Variants in SLC5A12 observed in about 807,000 individuals in gnomAD.
SLC5A12 encodes sodium-coupled monocarboxylate transporter 2.
A neutral mutation model predicts 72.7 loss-of-function variants in SLC5A12; 46 were observed. That is an observed-to-expected ratio of 0.63 (90% CI 0.50 to 0.81). The LOEUF (loss-of-function observed/expected upper bound fraction) is 0.81. Ranked by LOEUF, SLC5A12 falls within the 30% of genes least tolerant of loss-of-function variation. The probability of loss-of-function intolerance (pLI) is 0.00; values close to 1 mark genes in which losing one functional copy is unlikely to be tolerated. For synonymous variants in SLC5A12, 275 were observed against 264.4 expected (o/e 1.04, Z -0.39); for missense variants, 683 against 740.7 (o/e 0.92, Z 0.90).
intron 1 of SLC5A12, among the ~76,000 whole-genome samples, chr11:26,717,277 A>C (rs1246737909): frequency 1.3e-5 from 2 of 152,154 alleles, no homozygotes; most frequent in East Asian, 3.9e-4. Context: ...TTTGAAATTG[A>C]AGAGAAGTAA....
intron 9 of SLC5A12, chr11:26,691,894 T>C (rs867304888): frequency 6.6e-6 from 1 of 152,352 alleles, no homozygotes; most frequent in Middle Eastern, 3.4e-3. Flanking sequence ...GGAACAATTC[T>C]TTAGAAAAGA....
At chr11:26,680,342 T>TGA (rs1854372459) in intron 12 of SLC5A12, among the ~76,000 whole-genome samples, 15 of 132,114 alleles carry the variant, frequency 1.1e-4, no homozygotes, top group South Asian at 4.4e-4. Context: ...TATATATGTA[T>TGA]ATATATTCAT....
chr11:26,718,636 G>A (rs201006707), intron 1 of SLC5A12, among the ~76,000 whole-genome samples: 48,026 of 146,988 alleles, frequency 0.33, 8,058 homozygotes, highest in Admixed American at 0.44. Flanking sequence ...GTGTGTGTGT[G>A]TGTGTGTGTG....
At chr11:26,710,340 C>A (rs919496641) in intron 3 of SLC5A12, among the ~76,000 whole-genome samples, 2 of 152,122 alleles carry the variant, frequency 1.3e-5, no homozygotes, top group Non-Finnish European at 2.9e-5. Flanking sequence ...GTGCATGTGT[C>A]TTTATAACAG....
chr11:26,695,057 T>C (rs1250467421), intron 8 of SLC5A12, among the ~76,000 whole-genome samples: 2 of 151,980 alleles, frequency 1.3e-5, no homozygotes, highest in Non-Finnish European at 2.9e-5. Flanking sequence ...CTGTAGATAT[T>C]TGATTACAAT....
intron 10 of SLC5A12, among the ~76,000 whole-genome samples, chr11:26,686,166 A>G (rs1185164070): frequency 6.6e-6 from 1 of 152,202 alleles, no homozygotes; most frequent in Non-Finnish European, 1.5e-5. Flanking sequence ...CAGGATAATA[A>G]ATTCTCAGAT....
intron 4 of SLC5A12, among the ~76,000 whole-genome samples, chr11:26,706,012 G>A (rs995245635): frequency 6.6e-6 from 1 of 150,428 alleles, no homozygotes; most frequent in Non-Finnish European, 1.5e-5. Context: ...TACCTTGTGT[G>A]TCACCCACAT....
rs149571467 is a variant in SLC5A12 at position 26,699,294 on chromosome 11, A to G, written c.822-759T>C. 9.2e-3 allele frequency among the ~76,000 whole-genome samples: 1,398 copies of G among 152,356 alleles called. 14 individuals are homozygous for G. The highest frequency in any genetic ancestry group is 0.013 in the Non-Finnish European group (902 of 68,040). On this transcript the variant is annotated intron_variant, in intron 6 of 14. Coordinates refer to ENST00000396005, the MANE Select transcript of SLC5A12 (RefSeq NM_178498.4). ...ACCTCACTGTGGAGATGGCCGCAGG[A>G]GGCCAAGAGAGCAACGCTGAACATT...
intron 7 of SLC5A12, among the ~76,000 whole-genome samples, chr11:26,697,892 C>CTTTTTTT (rs34284911): frequency 2.0e-4 from 19 of 93,966 alleles, no homozygotes; most frequent in African/African-American, 5.2e-4. Context: ...GAGATGCCGT[C>CTTTTTTT]TTTTTTTTTT....
chr11:26,698,259 A>T, intron 7 of SLC5A12, 147 bp downstream of exon 7: 6 of 1,020,972 alleles, frequency 5.9e-6, no homozygotes, highest in Non-Finnish European at 8.3e-6. Flanking sequence ...TGCTGATATC[A>T]CCCAAGAGAA....
intron 9 of SLC5A12, 73 bp from the exon 10 acceptor site, chr11:26,686,617 C>G: frequency 4.5e-6 from 6 of 1,331,036 alleles, no homozygotes; most frequent in Non-Finnish European, 5.4e-6. Context: ...TGAGCCCCCA[C>G]TCAGAACTGT....
chr11:26,703,476 A>T, intron 6 of SLC5A12, 55 bp downstream of exon 6: 1 of 1,558,442 alleles, frequency 6.4e-7, no homozygotes, highest in Non-Finnish European at 8.8e-7. Context: ...AATATATAAT[A>T]AGTACCAAAT....
At chr11:26,719,967 C>T (rs945262196) in intron 1 of SLC5A12, among the ~76,000 whole-genome samples, 1 of 152,074 alleles carries the variant, frequency 6.6e-6, no homozygotes, top group African/African-American at 2.4e-5. Flanking sequence ...GTTTTCTAGT[C>T]TGTTAAAAGG....
intron 1 of SLC5A12, among the ~76,000 whole-genome samples, chr11:26,714,129 A>G (rs1855294593): frequency 6.6e-6 from 1 of 152,152 alleles, no homozygotes. Context: ...ATGTAAAGTA[A>G]CATTTACAGC....
In SLC5A12 at chr11:26,697,153, G is replaced by C. The variant is rs1428042628; in HGVS notation, c.1040+11C>G. ...CCATCATCATCATCAGATTGTTGTT[G>C]CTATACTAACCTCAGAGTTCCACTG... On this transcript the variant is annotated intron_variant, in intron 8 of 14. Transcript: ENST00000396005. 1 of 1,605,458 alleles carries C rather than the reference G, an allele frequency of 6.2e-7. No homozygotes were observed. The highest frequency in any genetic ancestry group is 1.1e-5 in the South Asian group (1 of 89,920).
chr11:26,717,499 G>C (rs900809514), intron 1 of SLC5A12, among the ~76,000 whole-genome samples: 31 of 152,134 alleles, frequency 2.0e-4, no homozygotes, highest in Admixed American at 1.3e-3. Context: ...TTGCAAACTA[G>C]CTAAGCCTAA....
At chr11:26,701,758 A>C (rs998652669) in intron 6 of SLC5A12, among the ~76,000 whole-genome samples, 4 of 152,146 alleles carry the variant, frequency 2.6e-5, no homozygotes, top group Non-Finnish European at 4.4e-5. Flanking sequence ...ATATACGTAT[A>C]TAAGTGTATA....
Position 26,698,432 on chromosome 11 carries a change from A to G in SLC5A12, c.925T>C (p.Ser309Pro). ...SHFKDCDPWT[S>P]GIISAPDQLM... Reference sequence around the variant, plus strand: ...TGGTCTGGTGCTGAGATGATGCCAGAAGTCCAAGGGTCACAGTCTTTAAAG... The same window carrying G: ...TGGTCTGGTGCTGAGATGATGCCAGGAGTCCAAGGGTCACAGTCTTTAAAG... Residue 309 changes from serine (S) to proline (P), a missense_variant, in exon 7 of 15, where the codon TCT becomes CCT. Coordinates refer to ENST00000396005, the MANE Select transcript of SLC5A12 (RefSeq NM_178498.4). 1.2e-6 allele frequency: 2 copies of G among 1,614,104 alleles called. No homozygotes were observed. Among genetic ancestry groups the G allele is most frequent in the Non-Finnish European group, 8.5e-7 (1 of 1,179,976 alleles).
rs1353188628 is a variant in SLC5A12 at position 26,703,850 on chromosome 11, C to G, written c.623G>C (p.Gly208Ala). ...TVLIQGSTHA[G>A]GFHNVLEQST... The stretch of plus-strand genomic sequence containing the variant: ...TTGCTCTAATACATTGTGGAATCCC[C>G]CAGCATGAGTTGATCCTTGAATGAG... The change falls in exon 5 of 15, where the codon GGG becomes GCG. Residue 208 changes from glycine to alanine, a missense_variant. Physicochemically the swap from Gly to Ala is moderately conservative, Grantham distance 60 (BLOSUM62 0). Transcript: ENST00000396005. 1 of 1,613,738 alleles carries G rather than the reference C, an allele frequency of 6.2e-7. No individual in the cohort carries two copies. Among genetic ancestry groups the G allele is most frequent in the African/African-American group, 1.3e-5 (1 of 74,878 alleles).
Sources: gnomAD v4.1 joint callset for allele counts (sites outside exome capture counted in the v4.1 genomes callset) on GRCh38, gnomAD v4.1.1 for gene constraint, MANE v1.5 for transcripts, NCBI Gene and HGNC (gene_info 2026-07-23, HGNC 2026-07-21) for gene names.